NFAT5: variants seen among roughly 807,000 people sequenced by gnomAD.
NFAT5 encodes nuclear factor of activated T cells 5, also known as nuclear factor of activated T-cells 5.
NFAT5 carries 31 observed loss-of-function variants against 166.5 expected under a neutral mutation model. The ratio of observed to expected loss-of-function variants is 0.19; its 90% CI spans 0.14 to 0.25. The LOEUF (loss-of-function observed/expected upper bound fraction) is 0.25, where lower values mean the gene tolerates loss of function less well. NFAT5 is among the 10% of genes least tolerant of loss of function. The pLI, the probability that NFAT5 is intolerant of heterozygous loss-of-function variation, is 1.00. For missense variants in NFAT5, 1,449 were observed against 1,821.8 expected (o/e 0.80, Z 3.72); for synonymous variants, 612 against 639.7 (o/e 0.96, Z 0.65).
Position 69,693,174 on chromosome 16 carries a change from A to G in NFAT5, c.3349A>G (p.Ile1117Val), listed in dbSNP as rs746229892. ...TTCTCTCTTTCATAGTCCAAATCCT[A>G]TTGTCCACAGTCAGACTTCTACAAC... ...QGSLFHSPNP[I>V]VHSQTSTTSS... is the part of the protein sequence containing the mutation. Residue 1117 changes from isoleucine (I) to valine (V), a missense_variant, in exon 13 of 15, where the codon ATT becomes GTT. By Grantham distance (29) the Ile-to-Val change is conservative. This residue lies in a region of NFAT5 where 891 missense variants were observed against 993.0 expected (regional missense o/e 0.90). Coordinates refer to ENST00000349945, the MANE Select transcript of NFAT5 (RefSeq NM_138713.4). 4.3e-5 allele frequency: 69 copies of G among 1,614,024 alleles called. No homozygotes were observed. In the Middle Eastern group the frequency reaches 1.5e-3, roughly 35 times the overall value.
rs548954900 is a variant in NFAT5, at chr16:69,614,456, C to T, written c.128-11947C>T. Among the ~76,000 whole-genome samples, 3 of 152,114 alleles carry T rather than the reference C, an allele frequency of 2.0e-5. No homozygotes were observed. The East Asian group carries it at 5.8e-4, about 29-fold the overall frequency. On this transcript the variant is annotated intron_variant, in intron 2 of 14. Transcript: ENST00000349945. ...GTTACATAGCTGAATTTTTTGAATC[C>T]GTAGTAATTAATAAATTCCTAATGA...
chr16:69,570,820 C>G (rs960342374), intron 2 of NFAT5, among the ~76,000 whole-genome samples: 1 of 152,028 alleles, frequency 6.6e-6, no homozygotes, highest in African/African-American at 2.4e-5. Context: ...CTTGTATGGC[C>G]TTAGCCTAAT....
At chr16:69,642,388 C>G (rs1397368938) in intron 3 of NFAT5, among the ~76,000 whole-genome samples, 1 of 152,126 alleles carries the variant, frequency 6.6e-6, no homozygotes, top group Non-Finnish European at 1.5e-5. Flanking sequence ...CTTTACCTGC[C>G]TCTTTTAAAT....
At chr16:69,653,890 G>C (rs2035778061) in intron 5 of NFAT5, among the ~76,000 whole-genome samples, 1 of 152,026 alleles carries the variant, frequency 6.6e-6, no homozygotes, top group African/African-American at 2.4e-5. Flanking sequence ...TTGAAAATAA[G>C]GTTTTTGAGA....
chr16:69,609,680 A>C (rs2033607178), intron 2 of NFAT5, among the ~76,000 whole-genome samples: 1 of 152,020 alleles, frequency 6.6e-6, no homozygotes, highest in Non-Finnish European at 1.5e-5. Context: ...CTTTGTGTAG[A>C]ATAGAAAAGA....
intron 3 of NFAT5, among the ~76,000 whole-genome samples, chr16:69,636,075 G>C (rs1408483792): frequency 6.6e-6 from 1 of 152,194 alleles, no homozygotes; most frequent in Admixed American, 6.5e-5. Flanking sequence ...GGTAAATACA[G>C]CTGTTCCAAA....
At chr16:69,653,035 T>C (rs1248759152) in intron 4 of NFAT5, among the ~76,000 whole-genome samples, 1 of 152,230 alleles carries the variant, frequency 6.6e-6, no homozygotes, top group Admixed American at 6.5e-5. Flanking sequence ...TTGCATCATA[T>C]AGTAAACTTT....
intron 7 of NFAT5, among the ~76,000 whole-genome samples, chr16:69,660,418 C>T (rs1045957455): frequency 1.3e-5 from 2 of 151,838 alleles, no homozygotes; most frequent in South Asian, 2.1e-4. Context: ...CAGCAGACTG[C>T]GACTGTCTCA....
chr16:69,696,993 T>A lies in NFAT5; in HGVS notation c.*642T>A, dbSNP rs905231393. The A allele has an allele frequency of 6.6e-6, 1 of 152,622 alleles. No homozygotes were observed. Among genetic ancestry groups the A allele is most frequent in the Admixed American group, 6.5e-5 (1 of 15,272 alleles). The allele number at this position is 152,622 out of a possible 1,614,324, so 9.5% of individuals were successfully genotyped here. A position where few individuals can be genotyped will look rare whatever the true frequency, so the allele number is the denominator to read the frequency against. Reference sequence around the variant, plus strand: ...GGGAACAGCTGGAATGCTTCTTGATTTTATTTTTTCAGAGAGTTGTTAGTT... The same window carrying A: ...GGGAACAGCTGGAATGCTTCTTGATATTATTTTTTCAGAGAGTTGTTAGTT... On this transcript the variant is annotated 3_prime_UTR_variant, in exon 15 of 15. Transcript: ENST00000349945.
At position 69,626,392 on chromosome 16, in the gene NFAT5, C is replaced by A. The variant is rs756918432; in HGVS notation, c.128-11C>A. On this transcript the variant is annotated splice_polypyrimidine_tract_variant and intron_variant, in intron 2 of 14. Coordinates refer to ENST00000349945, the MANE Select transcript of NFAT5 (RefSeq NM_138713.4). ...AAAAATTGTTTTCTCCTCTCTTTCC[C>A]CTCCCCACAGAATCTGTCTATGATC... 1.9e-5 allele frequency: 29 copies of A among 1,553,244 alleles called. No individual in the cohort carries two copies. The highest frequency in any genetic ancestry group is 2.3e-5 in the Non-Finnish European group (27 of 1,156,234).
intron 2 of NFAT5, among the ~76,000 whole-genome samples, chr16:69,610,811 C>A (rs945405864): frequency 2.0e-5 from 3 of 152,168 alleles, no homozygotes; most frequent in Non-Finnish European, 4.4e-5. Context: ...ACATTCATTA[C>A]ATTCATACCA....
rs375214217 is a variant in NFAT5 at position 69,653,240 on chromosome 16, T to C, written c.817T>C (p.Leu273=). ...KGNSKAGNGT[L]ENQKGTGVKK... ...TGTTGTGCTTTGATTTCTCAGAACA[T>C]TGGAAAACCAAAAAGGAACTGGAGT... Residue 273 remains leucine, a synonymous_variant, in exon 5 of 15, where the codon TTG becomes CTG. Coordinates refer to ENST00000349945, the MANE Select transcript of NFAT5 (RefSeq NM_138713.4). 40 of 1,567,266 alleles carry C rather than the reference T, an allele frequency of 2.6e-5. No homozygotes were observed. Among genetic ancestry groups the C allele is most frequent in the Middle Eastern group, 1.7e-4 (1 of 5,982 alleles).
At chr16:69,648,516 G>A (rs184604377) in intron 4 of NFAT5, 1 of 984,848 alleles carries the variant, frequency 1.0e-6, no homozygotes, top group East Asian at 1.1e-4. Context: ...TGATGAAACA[G>A]GATCATGGTA....
Position 69,644,221 on chromosome 16 carries a change from G to C in NFAT5, c.254-2807G>C, listed in dbSNP as rs530153672. 1.9e-4 allele frequency among the ~76,000 whole-genome samples: 29 copies of C among 151,998 alleles called. No individual in the cohort carries two copies. The East Asian group carries it at 5.6e-3, about 29-fold the overall frequency. On this transcript the variant is annotated intron_variant, in intron 3 of 14. Transcript: ENST00000349945. ...GATTGCTTGAGCCCAGGAGATCAAG[G>C]CTGCAGTGAGCCATGATCGTGCCAC... is the stretch of plus-strand genomic sequence containing the variant.
chr16:69,583,490 C>T (rs2031835917), intron 2 of NFAT5, among the ~76,000 whole-genome samples: 2 of 152,100 alleles, frequency 1.3e-5, no homozygotes, highest in South Asian at 4.1e-4. Flanking sequence ...GCTGGGAATA[C>T]AGGTATGAGC....
chr16:69,640,175 G>T (rs1453129230), intron 3 of NFAT5, among the ~76,000 whole-genome samples: 1 of 152,074 alleles, frequency 6.6e-6, no homozygotes, highest in Non-Finnish European at 1.5e-5. Flanking sequence ...ATCGTGTGGT[G>T]GGTTGTGTGA....
intron 3 of NFAT5, among the ~76,000 whole-genome samples, chr16:69,636,733 C>T (rs900304427): frequency 1.5e-4 from 23 of 152,182 alleles, no homozygotes; most frequent in African/African-American, 5.5e-4. Context: ...CTAGGCCACA[C>T]ACAGCATGGG....
At chr16:69,574,155 G>T (rs2016603463) in intron 2 of NFAT5, among the ~76,000 whole-genome samples, 1 of 152,096 alleles carries the variant, frequency 6.6e-6, no homozygotes, top group Non-Finnish European at 1.5e-5. Context: ...ACAGGCGTGA[G>T]CCACTGCGCC....
At chr16:69,656,064 T>C (rs1299290144) in intron 6 of NFAT5, among the ~76,000 whole-genome samples, 1 of 152,094 alleles carries the variant, frequency 6.6e-6, no homozygotes, top group African/African-American at 2.4e-5. Flanking sequence ...GTGGATCACC[T>C]GAGGTCAGGA....
Sources: gnomAD v4.1 joint callset for allele counts (sites outside exome capture counted in the v4.1 genomes callset) on GRCh38, gnomAD v4.1.1 for gene constraint, gnomAD v4.1.1 regional missense constraint, MANE v1.5 for transcripts, NCBI Gene and HGNC (gene_info 2026-07-23, HGNC 2026-07-21) for gene names.